DLG2: variants seen among roughly 807,000 people sequenced by gnomAD.
DLG2 encodes the protein discs large MAGUK scaffold protein 2, also known as disks large homolog 2.
In DLG2, 45 loss-of-function variants were observed where a neutral mutation model predicts 132.5. The ratio of observed to expected loss-of-function variants is 0.34; its 90% CI spans 0.27 to 0.44. The LOEUF (loss-of-function observed/expected upper bound fraction) is 0.44. Ranked by LOEUF, DLG2 falls within the 20% of genes least tolerant of loss-of-function variation. DLG2 has a pLI of 1.00. For missense variants in DLG2, 1,045 were observed against 1,196.9 expected, an observed-to-expected ratio of 0.87 and a Z score of 1.87; for synonymous variants, 424 against 419.6, an observed-to-expected ratio of 1.01 and a Z score of -0.13.
At chr11:84,912,142 A>AATTTACTT (rs2092116805) in intron 6 of DLG2, among the ~76,000 whole-genome samples, 1 of 151,244 alleles carries the variant, frequency 6.6e-6, no homozygotes, top group Non-Finnish European at 1.5e-5. Context: ...TGGCTTTCAC[A>AATTTACTT]ATTTATTTAT....
At chr11:85,146,932 G>A (rs554445909) in intron 5 of DLG2, among the ~76,000 whole-genome samples, 1 of 152,194 alleles carries the variant, frequency 6.6e-6, no homozygotes, top group Non-Finnish European at 1.5e-5. Context: ...TTTGAATGGA[G>A]CTAGTCTAAA....
intron 3 of DLG2, among the ~76,000 whole-genome samples, chr11:85,310,116 A>G (rs1448239373): frequency 6.6e-6 from 1 of 152,186 alleles, no homozygotes; most frequent in Non-Finnish European, 1.5e-5. Context: ...AGCACTATCT[A>G]AAATGAAAGG....
At chr11:85,300,614 G>T (rs2079528260) in intron 3 of DLG2, among the ~76,000 whole-genome samples, 1 of 152,136 alleles carries the variant, frequency 6.6e-6, no homozygotes, top group African/African-American at 2.4e-5. Flanking sequence ...GGGGATCCAT[G>T]TACATTCATG....
chr11:85,472,937 C>T (rs1477648374), intron 3 of DLG2, among the ~76,000 whole-genome samples: 3 of 152,258 alleles, frequency 2.0e-5, no homozygotes. Context: ...CTTCTGGGAG[C>T]CCAGACCTCA....
chr11:85,502,489 T>G (rs2093827701), intron 3 of DLG2, among the ~76,000 whole-genome samples: 1 of 152,064 alleles, frequency 6.6e-6, no homozygotes, highest in East Asian at 1.9e-4. Context: ...AATGAGTTCA[T>G]GTCCTTTGCA....
intron 7 of DLG2, among the ~76,000 whole-genome samples, chr11:84,452,552 A>C (rs1360581009): frequency 2.0e-5 from 3 of 151,786 alleles, no homozygotes; most frequent in Non-Finnish European, 2.9e-5. Context: ...GGAAAAACTA[A>C]TTAATATGAA....
chr11:85,411,513 G>C (rs1033256620), intron 3 of DLG2, among the ~76,000 whole-genome samples: 1 of 151,828 alleles, frequency 6.6e-6, no homozygotes, highest in Non-Finnish European at 1.5e-5. Flanking sequence ...TATTAGGCTT[G>C]CAGCATAGCA....
At chr11:85,383,820 T>C (rs1302019192) in intron 3 of DLG2, among the ~76,000 whole-genome samples, 1 of 152,188 alleles carries the variant, frequency 6.6e-6, no homozygotes, top group Non-Finnish European at 1.5e-5. Context: ...CTTATATTAA[T>C]AACTTCCCTA....
At chr11:84,301,476 T>G (rs1395729155) in intron 7 of DLG2, among the ~76,000 whole-genome samples, 1 of 151,312 alleles carries the variant, frequency 6.6e-6, no homozygotes, top group Non-Finnish European at 1.5e-5. Flanking sequence ...GCTAACATGG[T>G]GAAGCCCCAT....
At chr11:84,415,727 A>T (rs777993425) in intron 7 of DLG2, among the ~76,000 whole-genome samples, 30 of 152,178 alleles carry the variant, frequency 2.0e-4, no homozygotes, top group Non-Finnish European at 3.7e-4. Context: ...ATCAGTGGGC[A>T]AAACACTTGG....
At chr11:84,150,622 T>C (rs1202157483) in intron 9 of DLG2, among the ~76,000 whole-genome samples, 1 of 152,184 alleles carries the variant, frequency 6.6e-6, no homozygotes, top group Non-Finnish European at 1.5e-5. Flanking sequence ...TCTTGCTTGA[T>C]TCTTTTGGCT....
chr11:84,879,883 T>C (rs1053278129), intron 6 of DLG2, among the ~76,000 whole-genome samples: 2 of 152,168 alleles, frequency 1.3e-5, no homozygotes, highest in African/African-American at 2.4e-5. Flanking sequence ...CAGTGAATTC[T>C]GGCACTTAAA....
chr11:85,140,677 T>C (rs1484842719), intron 5 of DLG2, among the ~76,000 whole-genome samples: 4 of 151,784 alleles, frequency 2.6e-5, no homozygotes, highest in Admixed American at 1.3e-4. Flanking sequence ...TCTTATTCAT[T>C]CCATCTAACT....
At chr11:83,655,451 G>C (rs779963919) in intron 18 of DLG2, among the ~76,000 whole-genome samples, 1 of 152,168 alleles carries the variant, frequency 6.6e-6, no homozygotes, top group Non-Finnish European at 1.5e-5. Context: ...ATTTCAGGGA[G>C]AGCACTTGTC....
intron 7 of DLG2, among the ~76,000 whole-genome samples, chr11:84,355,710 T>A (rs560043518): frequency 1.3e-5 from 2 of 152,130 alleles, no homozygotes; most frequent in African/African-American, 4.8e-5. Context: ...TCAGAAATTT[T>A]AAAAAAAGAT....
At chr11:84,310,072 A>G (rs1211629137) in intron 7 of DLG2, among the ~76,000 whole-genome samples, 2 of 152,220 alleles carry the variant, frequency 1.3e-5, no homozygotes, top group Non-Finnish European at 2.9e-5. Context: ...CAGAAAATAA[A>G]GTAGGCTAAG....
At chr11:83,751,647 G>C (rs1209041319) in intron 18 of DLG2, among the ~76,000 whole-genome samples, 2 of 152,170 alleles carry the variant, frequency 1.3e-5, no homozygotes, top group Non-Finnish European at 2.9e-5. Flanking sequence ...GTGAAGATGA[G>C]AGAAAGGGAG....
intron 7 of DLG2, among the ~76,000 whole-genome samples, chr11:84,402,400 G>A (rs2098832703): frequency 6.6e-6 from 1 of 152,166 alleles, no homozygotes. Context: ...GAAATTTAAG[G>A]CTGATTGATA....
chr11:84,221,454 A>T (rs538372701), intron 8 of DLG2, among the ~76,000 whole-genome samples: 72 of 152,162 alleles, frequency 4.7e-4, no homozygotes, highest in Admixed American at 1.2e-3. Context: ...ACAGAGTGAG[A>T]TTCCATCTCA....
Sources: gnomAD v4.1 joint callset for allele counts (sites outside exome capture counted in the v4.1 genomes callset) on GRCh38, gnomAD v4.1.1 for gene constraint, MANE v1.5 for transcripts, NCBI Gene and HGNC (gene_info 2026-07-23, HGNC 2026-07-21) for gene names.